Variants in CLCA2 observed in about 807,000 individuals in gnomAD.
CLCA2 encodes the protein calcium-activated chloride channel regulator 2.
Under a neutral mutation model 82.9 loss-of-function variants are expected in CLCA2, and 85 were observed. That is an observed-to-expected ratio of 1.03 (90% confidence interval 0.86 to 1.23). The LOEUF is 1.23. Ranked by LOEUF, CLCA2 falls within the 50% of genes most tolerant of loss-of-function variation. CLCA2 has a pLI of 0.00. For missense variants in CLCA2, 1,089 were observed against 1,124.8 expected, an observed-to-expected ratio of 0.97 and a Z score of 0.45; for synonymous variants, 421 against 391.7, an observed-to-expected ratio of 1.07 and a Z score of -0.88.
chr1:86,429,972 C>A (rs968058057), intron 3 of CLCA2, among the ~76,000 whole-genome samples: 1 of 152,148 alleles, frequency 6.6e-6, no homozygotes, highest in African/African-American at 2.4e-5. Flanking sequence ...TAGGCACAAT[C>A]TTTCCCTCAA....
chr1:86,430,797 A>G, intron 3 of CLCA2, 65 bp from the exon 4 acceptor site: 6 of 1,157,650 alleles, frequency 5.2e-6, no homozygotes, highest in Non-Finnish European at 7.8e-6. Flanking sequence ...TTACGTCTTC[A>G]CTAGTTAGCA....
Position 86,442,800 on chromosome 1 carries a change from G to A in CLCA2, c.1489-987G>A, listed in dbSNP as rs370767363. ...CAGGGGCTCTGGTGTCAGGCCCACT[G>A]GGTTTTATCACGGTTCCATTCCCTT... On this transcript the variant is annotated intron_variant, in intron 9 of 13. Transcript: ENST00000370565. 2.8e-4 allele frequency among the ~76,000 whole-genome samples: 43 copies of A among 152,302 alleles called. 1 individual carries two copies. In the South Asian group the frequency reaches 8.9e-3, roughly 32 times the overall value.
intron 13 of CLCA2, 93 bp from the exon 14 acceptor site, chr1:86,454,992 A>G (rs1663045253): frequency 1.5e-6 from 1 of 655,884 alleles, no homozygotes; most frequent in East Asian, 3.0e-5. Flanking sequence ...AAATATTTTG[A>G]CTTTTTGTTG....
Position 86,455,573 on chromosome 1 carries a change from C to A in CLCA2, c.*46C>A, listed in dbSNP as rs1323158612. On this transcript the variant is annotated 3_prime_UTR_variant, in exon 14 of 14. Coordinates refer to ENST00000370565, the MANE Select transcript of CLCA2 (RefSeq NM_006536.7). ...CCTTCTTAGATATAAGACCCATGGC[C>A]TTCGACTACAAAAACATACTAACAA... 3 of 1,250,406 alleles carry A rather than the reference C, an allele frequency of 2.4e-6. No homozygotes were observed. In the African/African-American group the frequency reaches 4.6e-5, roughly 19 times the overall value. 77.5% of individuals were successfully genotyped at this position (1,250,406 alleles called of 1,614,324 possible). A position where few individuals can be genotyped will look rare whatever the true frequency, so the allele number is the denominator to read the frequency against.
intron 10 of CLCA2, 85 bp from the exon 11 acceptor site, chr1:86,447,423 A>G: frequency 6.9e-7 from 1 of 1,440,486 alleles, no homozygotes; most frequent in Non-Finnish European, 9.4e-7. Context: ...CAAGAGCAAA[A>G]TTCTCCAGAA....
rs1662664785 is a variant in CLCA2, at chr1:86,438,893, A to G, written c.990A>G (p.Gln330=). The change falls in exon 7 of 14, where the codon CAA becomes CAG. Residue 330 remains glutamine, a synonymous_variant. Coordinates refer to ENST00000370565, the MANE Select transcript of CLCA2 (RefSeq NM_006536.7). ...SKMAEADRLL[Q]LQQAAEFYLM... The stretch of plus-strand genomic sequence containing the variant: ...GGACATAGGCTGACAGACTCCTTCA[A>G]CTACAACAAGCCGCAGAATTTTATT... 1 of 1,614,096 alleles carries G rather than the reference A, an allele frequency of 6.2e-7. No individual in the cohort carries two copies. Among genetic ancestry groups the G allele is most frequent in the Non-Finnish European group, 8.5e-7 (1 of 1,179,978 alleles).
At chr1:86,450,120 A>C (rs772689457) in intron 11 of CLCA2, among the ~76,000 whole-genome samples, 10 of 152,212 alleles carry the variant, frequency 6.6e-5, no homozygotes, top group African/African-American at 9.6e-5. Context: ...AAGTGACTTC[A>C]AGGCATTCAT....
intron 6 of CLCA2, among the ~76,000 whole-genome samples, chr1:86,435,488 T>C (rs1232802023): frequency 6.6e-6 from 1 of 152,220 alleles, no homozygotes; most frequent in East Asian, 1.9e-4. Context: ...CAGAAGACCA[T>C]ATCTCAGTCA....
intron 12 of CLCA2, 54 bp downstream of exon 12, chr1:86,450,787 T>G: frequency 7.5e-6 from 11 of 1,459,134 alleles, no homozygotes; most frequent in Non-Finnish European, 8.3e-6. Flanking sequence ...TACATATCTC[T>G]GATGGGTATG....
chr1:86,452,117 G>A (rs1252301960), intron 12 of CLCA2, among the ~76,000 whole-genome samples: 1 of 105,676 alleles, frequency 9.5e-6, no homozygotes, highest in African/African-American at 3.6e-5. Flanking sequence ...TTTAATTTTT[G>A]TTCTTTTTCT....
In CLCA2 at chr1:86,434,502, CT is replaced by C. The variant is rs765373926; in HGVS notation, c.745-15del. On this transcript the variant is annotated splice_polypyrimidine_tract_variant and intron_variant, in intron 5 of 13. Transcript: ENST00000370565. ...GAGAAGTGCCTCTCTTTATTAAAGA[CT>C]GTTTTTATTTCCAGGTGGTTGAATT... The C allele has an allele frequency of 5.0e-6, 8 of 1,605,200 alleles. No individual in the cohort carries two copies. The East Asian group carries it at 1.8e-4, about 36-fold the overall frequency.
In CLCA2 at chr1:86,456,492, T is replaced by G. The variant is rs553283423; in HGVS notation, c.*965T>G. ...ATAAAAATCATCTTTCATCTTTAAT[T>G]TTACTCCTTCCTCTTATTTTTTTAA... On this transcript the variant is annotated 3_prime_UTR_variant, in exon 14 of 14. Coordinates refer to ENST00000370565, the MANE Select transcript of CLCA2 (RefSeq NM_006536.7). 3 of 152,276 alleles carry G rather than the reference T, an allele frequency of 2.0e-5. No individual in the cohort carries two copies. In the East Asian group the frequency reaches 5.8e-4, roughly 29 times the overall value. The allele number at this position is 152,276 out of a possible 1,614,324, so 9.4% of individuals were successfully genotyped here. A position where few individuals can be genotyped will look rare whatever the true frequency, so the allele number is the denominator to read the frequency against.
chr1:86,437,274 G>A (rs187295768), intron 6 of CLCA2, among the ~76,000 whole-genome samples: 1 of 152,310 alleles, frequency 6.6e-6, no homozygotes, highest in East Asian at 1.9e-4. Flanking sequence ...ATGGAGATGA[G>A]AAGAACAGCA....
In CLCA2 at chr1:86,455,554, T is replaced by C. The variant is rs771207035; in HGVS notation, c.*27T>C. The C allele has an allele frequency of 2.1e-6, 3 of 1,411,002 alleles. No homozygotes were observed. The highest frequency in any genetic ancestry group is 4.9e-5 in the East Asian group (2 of 40,566). The allele number at this position is 1,411,002 out of a possible 1,614,324, so 87.4% of individuals were successfully genotyped here. ...TAAATATCCAAAGTGTCTTCCTTCT[T>C]AGATATAAGACCCATGGCCTTCGAC... On this transcript the variant is annotated 3_prime_UTR_variant, in exon 14 of 14. Coordinates refer to ENST00000370565, the MANE Select transcript of CLCA2 (RefSeq NM_006536.7).
At position 86,439,004 on chromosome 1, in the gene CLCA2, T is replaced by C. The variant is rs1662670613; in HGVS notation, c.1101T>C (p.Ile367=). The change falls in exon 7 of 14, where the codon ATT becomes ATC. Residue 367 remains isoleucine (I), a synonymous_variant. Coordinates refer to ENST00000370565, the MANE Select transcript of CLCA2 (RefSeq NM_006536.7). ...AGATCAGAGCCCAGCTACACCAAAT[T>C]AACAGCAATGATGATCGAAAGTTGC... ...KGEIRAQLHQ[I]NSNDDRKLLV... 1 of 1,614,126 alleles carries C rather than the reference T, an allele frequency of 6.2e-7. No homozygotes were observed. Among genetic ancestry groups the C allele is most frequent in the African/African-American group, 1.3e-5 (1 of 75,040 alleles).
At position 86,455,346 on chromosome 1, in the gene CLCA2, C is replaced by T. The variant is rs781089415; in HGVS notation, c.2651C>T (p.Ala884Val). Reference protein sequence around the residue: ...LQSAVSNIAQAPLFIPPNSDP... With the variant: ...LQSAVSNIAQVPLFIPPNSDP... The stretch of plus-strand genomic sequence containing the variant: ...TCTGCTGTATCTAACATTGCCCAGG[C>T]GCCTCTGTTTATTCCCCCCAATTCT... The change falls in exon 14 of 14, where the codon GCG (alanine) becomes GTG (valine). Residue 884 changes from alanine to valine, a missense_variant. Physicochemically the swap from Ala to Val is moderately conservative, Grantham distance 64. Transcript: ENST00000370565. 6 of 1,612,092 alleles carry T rather than the reference C, an allele frequency of 3.7e-6. No individual in the cohort carries two copies. Among genetic ancestry groups the T allele is most frequent in the East Asian group, 4.5e-5 (2 of 44,844 alleles).
intron 6 of CLCA2, among the ~76,000 whole-genome samples, chr1:86,436,492 T>A (rs1192656378): frequency 1.3e-5 from 2 of 152,206 alleles, no homozygotes; most frequent in Admixed American, 1.3e-4. Flanking sequence ...TAATATGAAA[T>A]TTTTAGTTCA....
chr1:86,448,436 T>G (rs926662750), intron 11 of CLCA2: 1 of 152,300 alleles, frequency 6.6e-6, no homozygotes, highest in Non-Finnish European at 1.5e-5. Flanking sequence ...AGCCTCGTCA[T>G]CATACATTAT....
At chr1:86,426,367 A>G (rs770246073) in intron 2 of CLCA2, among the ~76,000 whole-genome samples, 20 of 152,088 alleles carry the variant, frequency 1.3e-4, no homozygotes, top group Non-Finnish European at 2.8e-4. Context: ...TCAGTATGAA[A>G]TTTCCTAAGT....
Sources: allele counts gnomAD v4.1 joint callset (sites outside exome capture counted in the v4.1 genomes callset), GRCh38; gene constraint gnomAD v4.1.1; transcripts MANE v1.5; gene names NCBI Gene and HGNC (gene_info 2026-07-23, HGNC 2026-07-21).